The following CNTLN variants were observed in gnomAD, a reference collection of about 807,000 sequenced individuals.
CNTLN encodes centlein.
A neutral mutation model predicts 180.0 loss-of-function variants in CNTLN; 212 were observed. That is an observed-to-expected ratio of 1.18 (90% CI 1.05 to 1.32). The LOEUF (loss-of-function observed/expected upper bound fraction) is 1.32. Among genes scored for constraint, CNTLN ranks in the 40% most tolerant of loss-of-function variants. CNTLN has a pLI of 0.00. For synonymous variants in CNTLN, 722 were observed against 563.1 expected (o/e 1.28, Z -3.99); for missense variants, 2,095 against 1,610.9 (o/e 1.30, Z -5.14).
At chr9:17,301,058 C>A (rs1818309632) in intron 7 of CNTLN, 16 of 985,294 alleles carry the variant, frequency 1.6e-5, no homozygotes, top group Non-Finnish European at 1.9e-5. Context: ...GGGGCCTGTT[C>A]CAAGACTAAG....
chr9:17,192,494 C>T (rs551128945), intron 2 of CNTLN, among the ~76,000 whole-genome samples: 20 of 150,230 alleles, frequency 1.3e-4, no homozygotes, highest in Non-Finnish European at 2.1e-4. Flanking sequence ...ACCTCAGCCT[C>T]CCAAAGTGCT....
intron 18 of CNTLN, among the ~76,000 whole-genome samples, chr9:17,440,685 C>T (rs1403556191): frequency 6.6e-6 from 1 of 151,752 alleles, no homozygotes; most frequent in Non-Finnish European, 1.5e-5. Context: ...GGGGAAACAA[C>T]CTATGGGTCC....
intron 6 of CNTLN, among the ~76,000 whole-genome samples, chr9:17,290,196 G>A (rs916652270): frequency 1.3e-5 from 2 of 152,096 alleles, no homozygotes; most frequent in Admixed American, 6.5e-5. Flanking sequence ...TGGTGTGGAT[G>A]TCCTTTCTGT....
intron 8 of CNTLN, among the ~76,000 whole-genome samples, chr9:17,310,529 A>C (rs1819057679): frequency 1.3e-5 from 2 of 152,152 alleles, no homozygotes; most frequent in African/African-American, 4.8e-5. Flanking sequence ...ATTACTGTTG[A>C]CATTTTCGCA....
chr9:17,495,104 T>C, intron 25 of CNTLN: 1 of 350,640 alleles, frequency 2.9e-6, no homozygotes, highest in Non-Finnish European at 5.6e-6. Flanking sequence ...GGTCTCCAAC[T>C]CCTGAGCTCA....
At chr9:17,285,760 G>C (rs1356532859) in intron 6 of CNTLN, among the ~76,000 whole-genome samples, 18 of 115,814 alleles carry the variant, frequency 1.6e-4, no homozygotes, top group East Asian at 2.5e-4. Context: ...GGCCAGTGAT[G>C]ATGAGCATTT....
At chr9:17,421,944 G>GT (rs1828754492) in intron 18 of CNTLN, among the ~76,000 whole-genome samples, 1 of 151,968 alleles carries the variant, frequency 6.6e-6, no homozygotes, top group Non-Finnish European at 1.5e-5. Context: ...CAATTACACT[G>GT]TTATTCTGTA....
intron 6 of CNTLN, among the ~76,000 whole-genome samples, chr9:17,292,310 C>T (rs570010920): frequency 1.2e-4 from 19 of 152,074 alleles, no homozygotes; most frequent in South Asian, 2.1e-4. Flanking sequence ...GAGTATCTTA[C>T]GAGGGTTCTT....
chr9:17,277,743 G>A (rs772398842), intron 6 of CNTLN, among the ~76,000 whole-genome samples: 5 of 151,850 alleles, frequency 3.3e-5, no homozygotes, highest in Non-Finnish European at 7.4e-5. Flanking sequence ...AAACATATTA[G>A]GAAATAAGAA....
chr9:17,412,247 G>C (rs1018579372), intron 16 of CNTLN, among the ~76,000 whole-genome samples: 1 of 152,112 alleles, frequency 6.6e-6, no homozygotes, highest in South Asian at 2.1e-4. Context: ...CATCAGTGTG[G>C]TGTCAGATGA....
intron 25 of CNTLN, among the ~76,000 whole-genome samples, chr9:17,500,875 G>T (rs1833713733): frequency 6.6e-6 from 1 of 152,092 alleles, no homozygotes; most frequent in African/African-American, 2.4e-5. Flanking sequence ...ATGCTCTCAA[G>T]GTTTAAATTT....
At chr9:17,382,734 AG>A in intron 13 of CNTLN, among the ~76,000 whole-genome samples, 1 of 152,322 alleles carries the variant, frequency 6.6e-6, no homozygotes, top group African/African-American at 2.4e-5. Context: ...ATCTAGCATA[AG>A]GGCATTCCTT....
chr9:17,479,744 A>T (rs1330815845), intron 23 of CNTLN, among the ~76,000 whole-genome samples: 1 of 152,154 alleles, frequency 6.6e-6, no homozygotes, highest in Non-Finnish European at 1.5e-5. Context: ...TTGACTCTAG[A>T]GAGAGAAAAA....
chr9:17,269,483 G>C (rs1183031329), intron 5 of CNTLN, among the ~76,000 whole-genome samples: 1 of 151,902 alleles, frequency 6.6e-6, no homozygotes, highest in Non-Finnish European at 1.5e-5. Flanking sequence ...TTTGTCTCAA[G>C]GTATTTTCTA....
chr9:17,291,716 G>A (rs898724189), intron 6 of CNTLN, among the ~76,000 whole-genome samples: 1 of 152,054 alleles, frequency 6.6e-6, no homozygotes, highest in African/African-American at 2.4e-5. Flanking sequence ...TGTGAGATGG[G>A]TCTCTTAAAT....
chr9:17,436,907 A>G (rs1829811239), intron 18 of CNTLN, among the ~76,000 whole-genome samples: 1 of 152,150 alleles, frequency 6.6e-6, no homozygotes, highest in South Asian at 2.1e-4. Context: ...TTACCCCAAT[A>G]GTTTGTGTAG....
At chr9:17,375,088 A>T (rs1477229916) in intron 13 of CNTLN, among the ~76,000 whole-genome samples, 1 of 152,226 alleles carries the variant, frequency 6.6e-6, no homozygotes, top group Non-Finnish European at 1.5e-5. Flanking sequence ...CTATTCAGCC[A>T]TAAAAGAATT....
Position 17,340,856 on chromosome 9 carries a change from C to G in CNTLN, c.1674C>G (p.Ala558=). ...KSQENDELRD[A]HEKRKERLQM... ...AAGAAAATGATGAGCTAAGAGATGC[C>G]CATGAAAAACGCAAGGAACGGCTAC... The change falls in exon 11 of 26, where the codon GCC becomes GCG. Residue 558 remains alanine, a synonymous_variant. Transcript: ENST00000380647. The G allele has an allele frequency of 6.2e-7, 1 of 1,610,960 alleles. No homozygotes were observed. Among genetic ancestry groups the G allele is most frequent in the East Asian group, 2.2e-5 (1 of 44,618 alleles).
At chr9:17,208,861 A>T (rs567721956) in intron 2 of CNTLN, among the ~76,000 whole-genome samples, 1 of 152,106 alleles carries the variant, frequency 6.6e-6, no homozygotes, top group South Asian at 2.1e-4. Context: ...CTTATTAATT[A>T]GTCTGGCTAA....
Sources: gnomAD v4.1 joint callset for allele counts (sites outside exome capture counted in the v4.1 genomes callset) on GRCh38, gnomAD v4.1.1 for gene constraint, MANE v1.5 for transcripts, NCBI Gene and HGNC (gene_info 2026-07-23, HGNC 2026-07-21) for gene names.